CEP112: variants seen among roughly 807,000 people sequenced by gnomAD.
CEP112 encodes the protein centrosomal protein of 112 kDa.
Under a neutral mutation model 153.0 loss-of-function variants are expected in CEP112, and 127 were observed. That is an observed-to-expected ratio of 0.83 (90% confidence interval 0.72 to 0.96). CEP112 has a LOEUF of 0.96. Ranked by LOEUF, CEP112 falls within the 40% of genes least tolerant of loss-of-function variation. The probability of loss-of-function intolerance (pLI) is 0.00; values close to 1 mark genes in which losing one functional copy is unlikely to be tolerated. For missense variants in CEP112, 1,089 were observed against 1,101.2 expected (o/e 0.99, Z 0.16); for synonymous variants, 358 against 374.4 (o/e 0.96, Z 0.51).
At chr17:65,789,499 T>C (rs1812058) in intron 21 of CEP112, among the ~76,000 whole-genome samples, 51,952 of 152,038 alleles carry the variant, frequency 0.34, 10,203 homozygotes, top group Middle Eastern at 0.47. Context: ...TACAGTACCA[T>C]TCAGGGCCAG....
At chr17:65,780,893 C>T (rs138530853) in intron 21 of CEP112, among the ~76,000 whole-genome samples, 2,668 of 152,074 alleles carry the variant, frequency 0.018, 80 homozygotes, top group African/African-American at 0.061. Flanking sequence ...ATTTGGCATG[C>T]TCATAATGTC....
At chr17:66,036,710 T>C (rs1030432863) in intron 12 of CEP112, among the ~76,000 whole-genome samples, 1 of 152,190 alleles carries the variant, frequency 6.6e-6, no homozygotes, top group Non-Finnish European at 1.5e-5. Context: ...AAGAATTTGA[T>C]CCAAGATCTC....
intron 4 of CEP112, among the ~76,000 whole-genome samples, chr17:66,174,730 T>C (rs112444726): frequency 5.9e-5 from 9 of 152,304 alleles, no homozygotes; most frequent in African/African-American, 1.9e-4. Context: ...AAAACAAATA[T>C]TGTTCAAGGT....
chr17:65,996,282 C>A (rs2063789116), intron 17 of CEP112, among the ~76,000 whole-genome samples: 1 of 150,378 alleles, frequency 6.6e-6, no homozygotes, highest in Middle Eastern at 3.5e-3. Context: ...CCCAAAAACC[C>A]CCCCATTATG....
chr17:65,989,386 T>A (rs6504383), intron 17 of CEP112, among the ~76,000 whole-genome samples: 88,556 of 151,320 alleles, frequency 0.59, 27,260 homozygotes, highest in African/African-American at 0.72. Flanking sequence ...AGCAAATAAT[T>A]TAAAGAAGCT....
intron 21 of CEP112, among the ~76,000 whole-genome samples, chr17:65,833,055 C>A (rs1348588745): frequency 6.6e-6 from 1 of 152,146 alleles, no homozygotes; most frequent in Admixed American, 6.5e-5. Context: ...GTTCAACCTA[C>A]ACAAATCAAT....
chr17:65,986,992 C>T (rs888320960), intron 17 of CEP112, among the ~76,000 whole-genome samples: 6 of 152,062 alleles, frequency 3.9e-5, no homozygotes, highest in African/African-American at 1.4e-4. Context: ...TACAAAATCT[C>T]CCTTATTCAT....
intron 8 of CEP112, among the ~76,000 whole-genome samples, chr17:66,074,877 A>G (rs1378163916): frequency 1.3e-5 from 2 of 151,288 alleles, no homozygotes; most frequent in Admixed American, 6.6e-5. Context: ...AAAAAAGAAA[A>G]AAAAAAAAAA....
At chr17:66,042,999 T>C in intron 12 of CEP112, 5 of 590,920 alleles carry the variant, frequency 8.5e-6, no homozygotes, top group Non-Finnish European at 1.1e-5. Flanking sequence ...TGTCCATGAG[T>C]AGTTCTATGA....
intron 4 of CEP112, among the ~76,000 whole-genome samples, chr17:66,137,341 T>C (rs868211217): frequency 2.0e-5 from 3 of 152,008 alleles, no homozygotes; most frequent in Non-Finnish European, 4.4e-5. Context: ...AAGAAACTTA[T>C]GAGACACTAT....
At chr17:66,076,589 C>A (rs1025295882) in intron 8 of CEP112, among the ~76,000 whole-genome samples, 2 of 152,138 alleles carry the variant, frequency 1.3e-5, no homozygotes, top group Non-Finnish European at 2.9e-5. Flanking sequence ...ACATGCCTAG[C>A]CCTGCCCCCA....
At chr17:66,120,488 A>G (rs920655107) in intron 6 of CEP112, among the ~76,000 whole-genome samples, 1 of 152,158 alleles carries the variant, frequency 6.6e-6, no homozygotes, top group Non-Finnish European at 1.5e-5. Flanking sequence ...GGTGTGAGCC[A>G]CTGCGCCCAG....
intron 25 of CEP112, 32 bp downstream of exon 25, chr17:65,640,932 T>C: frequency 8.0e-7 from 1 of 1,242,512 alleles, no homozygotes; most frequent in Middle Eastern, 1.9e-4. Context: ...ATCCCCTAAA[T>C]CCTTGGAAAA....
intron 17 of CEP112, among the ~76,000 whole-genome samples, chr17:65,985,903 T>C (rs2063390292): frequency 6.6e-6 from 1 of 151,818 alleles, no homozygotes; most frequent in East Asian, 1.9e-4. Flanking sequence ...TCAGTGTGCA[T>C]TTAGAGTTTA....
At chr17:66,008,069 T>C (rs1317048873) in intron 16 of CEP112, among the ~76,000 whole-genome samples, 1 of 152,204 alleles carries the variant, frequency 6.6e-6, no homozygotes, top group African/African-American at 2.4e-5. Flanking sequence ...TTTATTGCCA[T>C]ATAATTGGCA....
intron 17 of CEP112, among the ~76,000 whole-genome samples, chr17:65,993,138 A>G (rs879766405): frequency 2.0e-5 from 3 of 151,794 alleles, no homozygotes; most frequent in Admixed American, 6.6e-5. Flanking sequence ...TCCTCTCCCT[A>G]TGTCCATGTG....
intron 24 of CEP112, among the ~76,000 whole-genome samples, chr17:65,671,225 G>A (rs916527775): frequency 6.6e-6 from 1 of 152,040 alleles, no homozygotes; most frequent in Non-Finnish European, 1.5e-5. Context: ...CATACCACAG[G>A]GTGACATCAC....
At chr17:65,878,433 G>A (rs776019044) in intron 20 of CEP112, among the ~76,000 whole-genome samples, 5 of 152,134 alleles carry the variant, frequency 3.3e-5, no homozygotes, top group Non-Finnish European at 7.3e-5. Flanking sequence ...AACCAATTTA[G>A]TGAACTGCTA....
intron 21 of CEP112, among the ~76,000 whole-genome samples, chr17:65,765,356 T>C (rs1008801904): frequency 2.0e-5 from 3 of 152,218 alleles, no homozygotes; most frequent in Non-Finnish European, 4.4e-5. Flanking sequence ...TCATATTTCC[T>C]TCCTTTTTTA....
Sources: gnomAD v4.1 joint callset for allele counts (sites outside exome capture counted in the v4.1 genomes callset) on GRCh38, gnomAD v4.1.1 for gene constraint, MANE v1.5 for transcripts, NCBI Gene and HGNC (gene_info 2026-07-23, HGNC 2026-07-21) for gene names.